Variants in PTPN13 observed in about 807,000 individuals in gnomAD.
PTPN13 encodes the protein tyrosine-protein phosphatase non-receptor type 13.
Under a neutral mutation model 284.0 loss-of-function variants are expected in PTPN13, and 191 were observed. The ratio of observed to expected loss-of-function variants is 0.67; its 90% CI spans 0.60 to 0.76. The LOEUF (loss-of-function observed/expected upper bound fraction) is 0.76. Ranked by LOEUF, PTPN13 falls within the 30% of genes least tolerant of loss-of-function variation. The probability of loss-of-function intolerance (pLI) is 0.00; values close to 1 mark genes in which losing one functional copy is unlikely to be tolerated. For synonymous variants in PTPN13, 986 were observed against 1,022.3 expected, an observed-to-expected ratio of 0.96 and a Z score of 0.68; for missense variants, 2,797 against 2,939.9, an observed-to-expected ratio of 0.95 and a Z score of 1.12.
Position 86,732,387 on chromosome 4 carries a change from A to T in PTPN13, c.1609-13A>T, listed in dbSNP as rs762445015. On this transcript the variant is annotated splice_polypyrimidine_tract_variant and intron_variant, in intron 10 of 47. Transcript: ENST00000411767. Reference sequence around the variant, plus strand: ...ATAGTAAAAAATATTGATTCTGCTTATGTGATTTGCAGAATTTCTTTGGCC... The same window carrying T: ...ATAGTAAAAAATATTGATTCTGCTTTTGTGATTTGCAGAATTTCTTTGGCC... The T allele has an allele frequency of 6.4e-7, 1 of 1,563,280 alleles. No individual in the cohort carries two copies. The highest frequency in any genetic ancestry group is 8.7e-7 in the Non-Finnish European group (1 of 1,150,556).
intron 7 of PTPN13, among the ~76,000 whole-genome samples, chr4:86,716,054 C>A (rs562100523): frequency 8.7e-4 from 133 of 152,230 alleles, no homozygotes; most frequent in African/African-American, 3.0e-3. Context: ...ATTTCAAATT[C>A]TTTGAGATTG....
chr4:86,732,699 G>A lies in PTPN13; in HGVS notation c.1791G>A (p.Val597=), dbSNP rs1243404103. The stretch of plus-strand genomic sequence containing the variant: ...ATACCAAAACTATATGTAAAGATGT[G>A]TTTGATATGGTTGTGGCACATATTG... ...TCDTKTICKD[V]FDMVVAHIGL... The change falls in exon 12 of 48, where the codon GTG becomes GTA. Residue 597 remains valine, a synonymous_variant. Coordinates refer to ENST00000411767, the MANE Select transcript of PTPN13 (RefSeq NM_080683.3). The A allele has an allele frequency of 5.0e-6, 8 of 1,613,606 alleles. No individual in the cohort carries two copies. Among genetic ancestry groups the A allele is most frequent in the Non-Finnish European group, 5.9e-6 (7 of 1,179,694 alleles).
At position 86,750,511 on chromosome 4, in the gene PTPN13, G is replaced by A. The variant is rs756419285; in HGVS notation, c.2692G>A (p.Val898Ile). Residue 898 changes from valine to isoleucine, a missense_variant, in exon 18 of 48, where the codon GTT becomes ATT. Transcript: ENST00000411767. The stretch of plus-strand genomic sequence containing the variant: ...GAGCCTGAATCTCCAAGCAGAGTCT[G>A]TTAGAGGATTTAATATGGGACGAGC... Reference protein sequence around the residue: ...FRSLNLQAESVRGFNMGRAIS... With the variant: ...FRSLNLQAESIRGFNMGRAIS... 5.6e-6 allele frequency: 9 copies of A among 1,613,910 alleles called. No individual in the cohort carries two copies. In the East Asian group the frequency reaches 1.6e-4, roughly 28 times the overall value.
At chr4:86,753,233 C>T (rs1377646752) in intron 20 of PTPN13, among the ~76,000 whole-genome samples, 168 bp downstream of exon 20, 74 of 152,062 alleles carry the variant, frequency 4.9e-4, no homozygotes, top group Non-Finnish European at 8.8e-5. Context: ...GTAATGGGAC[C>T]TCTGATTTAG....
Position 86,758,955 on chromosome 4 carries a change from A to G in PTPN13, c.3435A>G (p.Ile1145Met), listed in dbSNP as rs750973049. 1.9e-6 allele frequency: 3 copies of G among 1,612,986 alleles called. No individual in the cohort carries two copies. The highest frequency in any genetic ancestry group is 2.5e-6 in the Non-Finnish European group (3 of 1,179,604). Reference sequence around the variant, plus strand: ...CTATTTGTACAGGAGACCGTTTGATATCTGTGAATAGTGTGAGTCTGGAGG... The same window carrying G: ...CTATTTGTACAGGAGACCGTTTGATGTCTGTGAATAGTGTGAGTCTGGAGG... Reference protein sequence around the residue: ...DGCLKPGDRLISVNSVSLEGV... With the variant: ...DGCLKPGDRLMSVNSVSLEGV... Residue 1145 changes from isoleucine (I) to methionine (M), a missense_variant, in exon 23 of 48, where the codon ATA becomes ATG. Coordinates refer to ENST00000411767, the MANE Select transcript of PTPN13 (RefSeq NM_080683.3).
At chr4:86,740,606 A>G (rs1322366310) in intron 15 of PTPN13, among the ~76,000 whole-genome samples, 3 of 152,156 alleles carry the variant, frequency 2.0e-5, no homozygotes, top group Admixed American at 1.3e-4. Flanking sequence ...TGCCCTGGAA[A>G]CCTTTTCCCC....
At chr4:86,808,740 C>T (rs1744911142) in intron 45 of PTPN13, among the ~76,000 whole-genome samples, 1 of 152,206 alleles carries the variant, frequency 6.6e-6, no homozygotes, top group African/African-American at 2.4e-5. Context: ...TTTTATAGAA[C>T]TCAACCCCTT....
intron 30 of PTPN13, among the ~76,000 whole-genome samples, chr4:86,770,420 A>T (rs1739856135): frequency 6.6e-6 from 1 of 152,200 alleles, no homozygotes; most frequent in Non-Finnish European, 1.5e-5. Context: ...ACTAGGATTT[A>T]TCAAGTACTG....
At chr4:86,657,414 T>C (rs1725977854) in intron 2 of PTPN13, among the ~76,000 whole-genome samples, 1 of 152,178 alleles carries the variant, frequency 6.6e-6, no homozygotes, top group African/African-American at 2.4e-5. Context: ...TTGGTGAACT[T>C]GGATAAGATA....
intron 26 of PTPN13, among the ~76,000 whole-genome samples, chr4:86,766,026 C>T (rs1300974487): frequency 2.6e-5 from 4 of 152,134 alleles, no homozygotes; most frequent in Non-Finnish European, 5.9e-5. Flanking sequence ...CAGGTTTTCA[C>T]CATGTTGGCC....
chr4:86,715,379 C>T (rs1345368975), intron 7 of PTPN13, among the ~76,000 whole-genome samples: 2 of 151,936 alleles, frequency 1.3e-5, no homozygotes, highest in African/African-American at 2.4e-5. Context: ...ATACTTTTTG[C>T]CCAATTCTCA....
At chr4:86,747,549 GGCAGCAGCAGCA>G (rs78831573) in intron 17 of PTPN13, among the ~76,000 whole-genome samples, 2,423 of 143,808 alleles carry the variant, frequency 0.017, 82 homozygotes, top group African/African-American at 0.06. Context: ...CAGCAGCAGC[GGCAGCAGCAGCA>G]GCAGCAGCAG....
chr4:86,682,255 C>T (rs906655539), intron 3 of PTPN13, among the ~76,000 whole-genome samples: 1 of 152,086 alleles, frequency 6.6e-6, no homozygotes, highest in African/African-American at 2.4e-5. Flanking sequence ...ATCAAAGGCA[C>T]CTACCTCTAT....
chr4:86,669,285 GTATATATATA>G (rs34939020), intron 2 of PTPN13, among the ~76,000 whole-genome samples: 6 of 113,374 alleles, frequency 5.3e-5, no homozygotes, highest in South Asian at 3.5e-4. Flanking sequence ...GGAAGAAGAT[GTATATATATA>G]TATATATATA....
chr4:86,797,959 A>C (rs1034933000), intron 41 of PTPN13, among the ~76,000 whole-genome samples: 1 of 152,204 alleles, frequency 6.6e-6, no homozygotes, highest in Non-Finnish European at 1.5e-5. Context: ...CTTTATTAAC[A>C]TAAGCTCCAT....
chr4:86,689,569 T>C (rs1729805521), intron 5 of PTPN13: 4 of 671,388 alleles, frequency 6.0e-6, no homozygotes, highest in Admixed American at 2.3e-5. Context: ...AAATGTACTT[T>C]CTGTTGCTTT....
At chr4:86,625,877 C>G (rs1721780758) in intron 1 of PTPN13, among the ~76,000 whole-genome samples, 1 of 152,090 alleles carries the variant, frequency 6.6e-6, no homozygotes, top group Admixed American at 6.6e-5. Context: ...TTTACTTGAT[C>G]TTTTGTGTTT....
At position 86,735,628 on chromosome 4, in the gene PTPN13, A is replaced by G. The variant is rs1735405810; in HGVS notation, c.2186A>G (p.Tyr729Cys). The change falls in exon 15 of 48, where the codon TAT (tyrosine) becomes TGT (cysteine). Residue 729 changes from tyrosine to cysteine, a missense_variant. Tyr to Cys is a radical substitution (Grantham distance 194). Transcript: ENST00000411767. ...HGVSYFRMEH[Y>C]LPARVMEKLD... is the part of the protein sequence containing the mutation. ...GTGTCTTACTTTAGAATGGAGCACT[A>G]TTTGCCCGCCAGAGTGATGGAGAAA... The G allele has an allele frequency of 6.2e-7, 1 of 1,613,470 alleles. No homozygotes were observed. Among genetic ancestry groups the G allele is most frequent in the East Asian group, 2.2e-5 (1 of 44,838 alleles).
At position 86,779,909 on chromosome 4, in the gene PTPN13, G is replaced by T. The variant is rs541537127; in HGVS notation, c.5892-493G>T. On this transcript the variant is annotated intron_variant, in intron 35 of 47. Transcript: ENST00000411767. ...TTTAAAAGAAAAACACGTATCAAGG[G>T]CTTTAGATATATAAAACTTAATGAA... 2.0e-5 allele frequency among the ~76,000 whole-genome samples: 3 copies of T among 152,138 alleles called. No individual in the cohort carries two copies. The South Asian group carries it at 6.3e-4, about 32-fold the overall frequency.
Sources: allele counts gnomAD v4.1 joint callset (sites outside exome capture counted in the v4.1 genomes callset), GRCh38; gene constraint gnomAD v4.1.1; transcripts MANE v1.5; gene names NCBI Gene and HGNC (gene_info 2026-07-23, HGNC 2026-07-21).